Variants in FGF12 observed in about 807,000 individuals in gnomAD.
FGF12 encodes fibroblast growth factor 12B.
A neutral mutation model predicts 23.6 loss-of-function variants in FGF12; 14 were observed. That is an observed-to-expected ratio of 0.59 (90% CI 0.39 to 0.93). The LOEUF (loss-of-function observed/expected upper bound fraction) is 0.93. FGF12 is among the 40% of genes least tolerant of loss of function. FGF12 has a pLI of 0.00. For missense variants in FGF12, 175 were observed against 217.8 expected (o/e 0.80, Z 1.24); for synonymous variants, 62 against 77.3 (o/e 0.80, Z 1.04).
At chr3:192,567,178 C>G (rs1300312832) in intron 2 of FGF12, among the ~76,000 whole-genome samples, 1 of 152,052 alleles carries the variant, frequency 6.6e-6, no homozygotes. Context: ...AAAGGTGAGA[C>G]AAAGATCAAA....
chr3:192,357,593 T>G (rs539303936), intron 3 of FGF12, among the ~76,000 whole-genome samples: 1 of 152,002 alleles, frequency 6.6e-6, no homozygotes, highest in Non-Finnish European at 1.5e-5. Flanking sequence ...AACAAACAAC[T>G]TTTCTACATA....
chr3:192,274,439 T>G (rs141600618), intron 4 of FGF12, among the ~76,000 whole-genome samples: 1,564 of 152,300 alleles, frequency 0.01, 20 homozygotes, highest in Non-Finnish European at 0.016. Flanking sequence ...GAACTATACC[T>G]ATTAACACAC....
At chr3:192,461,832 T>C (rs565294851) in intron 2 of FGF12, among the ~76,000 whole-genome samples, 39 of 151,984 alleles carry the variant, frequency 2.6e-4, no homozygotes, top group African/African-American at 8.9e-4. Context: ...CTACTAAAAA[T>C]ACAAAAAATT....
intron 2 of FGF12, among the ~76,000 whole-genome samples, chr3:192,689,847 T>C (rs918346074): frequency 6.6e-6 from 1 of 150,806 alleles, no homozygotes; most frequent in African/African-American, 2.4e-5. Flanking sequence ...CAAAGAAGAG[T>C]TCACCAAGAT....
chr3:192,577,306 C>A (rs1712950497), intron 2 of FGF12, among the ~76,000 whole-genome samples: 1 of 152,292 alleles, frequency 6.6e-6, no homozygotes, highest in East Asian at 1.9e-4. Context: ...TACTTTTCTA[C>A]TTTTGAACTG....
At chr3:192,671,513 C>T (rs5003113) in intron 2 of FGF12, among the ~76,000 whole-genome samples, 68,587 of 151,434 alleles carry the variant, frequency 0.45, 15,895 homozygotes, top group East Asian at 0.66. Flanking sequence ...GTTTGGTAGA[C>T]GCATGGGACT....
rs568032914 is a variant in FGF12, at chr3:192,495,805, T to C, written c.14-135267A>G. The stretch of plus-strand genomic sequence containing the variant: ...ACTCAGCCTCGAGTAGTTGGGACCA[T>C]AAGCATGTGCCACCACCCCCAACTA... On this transcript the variant is annotated intron_variant, in intron 2 of 5. Transcript: ENST00000445105. 4.3e-4 allele frequency among the ~76,000 whole-genome samples: 66 copies of C among 152,150 alleles called. 1 individual carries two copies. Among genetic ancestry groups the C allele is most frequent in the African/African-American group, 1.4e-3 (58 of 41,504 alleles).
intron 5 of FGF12, among the ~76,000 whole-genome samples, chr3:192,157,206 C>T (rs368340704): frequency 6.6e-6 from 1 of 152,202 alleles, no homozygotes; most frequent in East Asian, 1.9e-4. Context: ...ACCAGGTGAC[C>T]CAGCACAGTG....
At chr3:192,569,571 G>A (rs775774069) in intron 2 of FGF12, among the ~76,000 whole-genome samples, 2 of 152,206 alleles carry the variant, frequency 1.3e-5, no homozygotes, top group Non-Finnish European at 2.9e-5. Context: ...GCCAGGGAAA[G>A]ATAATGTCCA....
intron 4 of FGF12, among the ~76,000 whole-genome samples, chr3:192,301,120 T>C (rs901350411): frequency 6.6e-5 from 10 of 151,930 alleles, no homozygotes; most frequent in African/African-American, 2.4e-4. Context: ...CAATGAGGTA[T>C]TGAAAGTCCA....
intron 2 of FGF12, among the ~76,000 whole-genome samples, chr3:192,709,070 A>C (rs541268283): frequency 6.6e-6 from 1 of 152,354 alleles, no homozygotes; most frequent in African/African-American, 2.4e-5. Context: ...AAAATGTTTA[A>C]ATTATATGTT....
At chr3:192,298,237 G>A (rs1715151607) in intron 4 of FGF12, among the ~76,000 whole-genome samples, 1 of 152,182 alleles carries the variant, frequency 6.6e-6, no homozygotes, top group Non-Finnish European at 1.5e-5. Flanking sequence ...GATTTAGCAA[G>A]AAGATGAGAA....
chr3:192,612,596 T>C (rs1714587698), intron 2 of FGF12, among the ~76,000 whole-genome samples: 1 of 151,800 alleles, frequency 6.6e-6, no homozygotes, highest in Non-Finnish European at 1.5e-5. Flanking sequence ...ATGGTCACCA[T>C]AAAGTAAGAA....
chr3:192,658,740 A>G (rs1321005629), intron 2 of FGF12, among the ~76,000 whole-genome samples: 1 of 131,214 alleles, frequency 7.6e-6, no homozygotes, highest in Non-Finnish European at 1.6e-5. Flanking sequence ...AGATTTTTAA[A>G]AAACCTCATT....
At chr3:192,189,038 A>C (rs563806118) in intron 4 of FGF12, among the ~76,000 whole-genome samples, 1 of 152,324 alleles carries the variant, frequency 6.6e-6, no homozygotes, top group African/African-American at 2.4e-5. Context: ...GAGTGTGCTA[A>C]CACAGATTTA....
chr3:192,267,934 A>G (rs893187684), intron 4 of FGF12, among the ~76,000 whole-genome samples: 1 of 152,164 alleles, frequency 6.6e-6, no homozygotes, highest in Admixed American at 6.6e-5. Flanking sequence ...CTTCCACATC[A>G]CATATTCTCT....
In FGF12 at chr3:192,270,317, G is replaced by GT. The variant is rs1374298637; in HGVS notation, c.228+65043dup. ...CACTTAATTTCCTGCACCTTAGTTG[G>GT]TAACTGTTAAATCAATTCATGAGCA... is the stretch of plus-strand genomic sequence containing the variant. On this transcript the variant is annotated intron_variant, in intron 4 of 5. Transcript: ENST00000445105. Among the ~76,000 whole-genome samples the GT allele has an allele frequency of 3.9e-5, 6 of 152,228 alleles. No homozygotes were observed. In the East Asian group the frequency reaches 1.2e-3, roughly 29 times the overall value.
chr3:192,206,975 C>T (rs1038398694), intron 4 of FGF12, among the ~76,000 whole-genome samples: 1 of 152,092 alleles, frequency 6.6e-6, no homozygotes, highest in Admixed American at 6.6e-5. Flanking sequence ...TAATTTCACA[C>T]ATTTTTTCAT....
chr3:192,666,191 A>T (rs1446138292), intron 2 of FGF12, among the ~76,000 whole-genome samples: 2 of 152,236 alleles, frequency 1.3e-5, no homozygotes, highest in African/African-American at 4.8e-5. Context: ...TTTCTTTTTC[A>T]TAATCAATTA....
Sources: allele counts gnomAD v4.1 joint callset (sites outside exome capture counted in the v4.1 genomes callset), GRCh38; gene constraint gnomAD v4.1.1; transcripts MANE v1.5; gene names NCBI Gene and HGNC (gene_info 2026-07-23, HGNC 2026-07-21).